ADGRL3: variants seen among roughly 807,000 people sequenced by gnomAD.
ADGRL3 encodes the protein adhesion G protein-coupled receptor L3, also known as calcium-independent alpha-latrotoxin receptor 3.
A neutral mutation model predicts 153.5 loss-of-function variants in ADGRL3; 62 were observed. That is an observed-to-expected ratio of 0.40 (90% CI 0.33 to 0.50). ADGRL3 has a LOEUF of 0.50. ADGRL3 is among the 20% of genes least tolerant of loss of function. The probability of loss-of-function intolerance (pLI) is 0.47; values close to 1 mark genes in which losing one functional copy is unlikely to be tolerated. For synonymous variants in ADGRL3, 710 were observed against 672.5 expected (o/e 1.06, Z -0.86); for missense variants, 1,641 against 1,859.4 (o/e 0.88, Z 2.16).
intron 6 of ADGRL3, among the ~76,000 whole-genome samples, chr4:61,723,116 C>T (rs2096268549): frequency 6.6e-6 from 1 of 152,140 alleles, no homozygotes; most frequent in Non-Finnish European, 1.5e-5. Flanking sequence ...GACAATTCCC[C>T]CTTTCTCTGT....
At chr4:61,581,900 A>G (rs2098927363) in intron 4 of ADGRL3, among the ~76,000 whole-genome samples, 1 of 152,088 alleles carries the variant, frequency 6.6e-6, no homozygotes, top group Non-Finnish European at 1.5e-5. Flanking sequence ...ATTTAAAACA[A>G]CCATCTTTTC....
At chr4:61,854,498 T>C (rs757614471) in intron 9 of ADGRL3, among the ~76,000 whole-genome samples, 5 of 152,206 alleles carry the variant, frequency 3.3e-5, no homozygotes, top group African/African-American at 4.8e-5. Flanking sequence ...AATAATGTAA[T>C]ATTGGATTAT....
In ADGRL3 at chr4:61,657,465, T is replaced by C. The variant is rs370996376; in HGVS notation, c.474-19361T>C. ...TTCAAAATATATTGTCAATCAATGG[T>C]AACTCAAATCAATATCTGAGAGTAT... is the stretch of plus-strand genomic sequence containing the variant. On this transcript the variant is annotated intron_variant, in intron 5 of 26. Transcript: ENST00000683033. 3.9e-5 allele frequency among the ~76,000 whole-genome samples: 6 copies of C among 152,164 alleles called. No individual in the cohort carries two copies. The East Asian group carries it at 5.8e-4, about 15-fold the overall frequency.
At chr4:61,681,085 C>T (rs144832408) in intron 6 of ADGRL3, among the ~76,000 whole-genome samples, 9 of 152,196 alleles carry the variant, frequency 5.9e-5, no homozygotes, top group Middle Eastern at 3.4e-3. Context: ...ACCAAAGCCA[C>T]GTTTTTGTTC....
chr4:61,910,639 G>A (rs1214048319), intron 12 of ADGRL3, among the ~76,000 whole-genome samples: 1 of 151,636 alleles, frequency 6.6e-6, no homozygotes, highest in Non-Finnish European at 1.5e-5. Flanking sequence ...CAATTTTAGG[G>A]CCTTGAATAT....
At chr4:61,469,449 G>A (rs2097919800) in intron 2 of ADGRL3, among the ~76,000 whole-genome samples, 1 of 152,018 alleles carries the variant, frequency 6.6e-6, no homozygotes, top group Non-Finnish European at 1.5e-5. Context: ...AAGCTCTCAT[G>A]ACCCATGTAG....
At chr4:61,937,306 A>G (rs1016990789) in intron 15 of ADGRL3, among the ~76,000 whole-genome samples, 2 of 151,084 alleles carry the variant, frequency 1.3e-5, no homozygotes, top group Non-Finnish European at 2.9e-5. Context: ...CACACCTCAC[A>G]TTTGTCTTCA....
At chr4:61,764,792 T>G (rs936634330) in intron 8 of ADGRL3, among the ~76,000 whole-genome samples, 38 of 151,872 alleles carry the variant, frequency 2.5e-4, no homozygotes, top group African/African-American at 8.5e-4. Context: ...GAGAGAATGG[T>G]CGATGTTTCT....
chr4:61,844,970 C>T (rs2098096995), intron 9 of ADGRL3, among the ~76,000 whole-genome samples: 1 of 151,972 alleles, frequency 6.6e-6, no homozygotes, highest in Non-Finnish European at 1.5e-5. Flanking sequence ...ATGGTATCTA[C>T]CCACTCAATA....
intron 2 of ADGRL3, among the ~76,000 whole-genome samples, chr4:61,460,496 A>T (rs569961249): frequency 6.6e-6 from 1 of 150,880 alleles, no homozygotes; most frequent in East Asian, 2.0e-4. Context: ...GGTTGATTTC[A>T]TGGAGGTAGA....
intron 9 of ADGRL3, among the ~76,000 whole-genome samples, chr4:61,831,411 T>TAAAAAAAAA (rs1166970099): frequency 2.7e-5 from 1 of 37,300 alleles, no homozygotes; most frequent in Non-Finnish European, 4.7e-5. Flanking sequence ...AGATGCTAAG[T>TAAAAAAAAA]AAAAAAAAAA....
intron 2 of ADGRL3, among the ~76,000 whole-genome samples, chr4:61,473,384 C>T (rs772480378): frequency 6.6e-6 from 1 of 151,670 alleles, no homozygotes; most frequent in Non-Finnish European, 1.5e-5. Flanking sequence ...AAACACACGG[C>T]GAGGGTGTGT....
intron 25 of ADGRL3, among the ~76,000 whole-genome samples, chr4:62,066,786 A>T (rs959127443): frequency 1.3e-5 from 2 of 152,120 alleles, no homozygotes; most frequent in Admixed American, 1.3e-4. Context: ...ATTTTCTGTG[A>T]TAGTTTTCAA....
chr4:61,614,806 C>G (rs1233509894), intron 5 of ADGRL3, among the ~76,000 whole-genome samples: 1 of 152,084 alleles, frequency 6.6e-6, no homozygotes, highest in Non-Finnish European at 1.5e-5. Flanking sequence ...GACATGACTA[C>G]CAGTCATTAT....
intron 1 of ADGRL3, among the ~76,000 whole-genome samples, chr4:61,365,378 G>A (rs1169232152): frequency 6.6e-6 from 1 of 152,176 alleles, no homozygotes; most frequent in Non-Finnish European, 1.5e-5. Context: ...AGTGCAAAAG[G>A]CATAGAACAC....
chr4:61,890,430 A>G (rs1034760822), intron 9 of ADGRL3, among the ~76,000 whole-genome samples: 5 of 151,982 alleles, frequency 3.3e-5, no homozygotes, highest in Admixed American at 1.3e-4. Context: ...CTAGAGGCTG[A>G]GAAGTTCAAG....
At chr4:61,237,175 A>G (rs1753167935) in intron 1 of ADGRL3, among the ~76,000 whole-genome samples, 1 of 152,196 alleles carries the variant, frequency 6.6e-6, no homozygotes, top group African/African-American at 2.4e-5. Context: ...TGAAAATGCT[A>G]GGAATCTTCA....
intron 9 of ADGRL3, among the ~76,000 whole-genome samples, chr4:61,851,891 G>A (rs17090553): frequency 0.019 from 2,925 of 152,228 alleles, 89 homozygotes; most frequent in African/African-American, 0.066. Context: ...TAATAGACTT[G>A]TTTTGCCACA....
intron 5 of ADGRL3, among the ~76,000 whole-genome samples, chr4:61,631,464 A>G (rs2093162346): frequency 6.6e-6 from 1 of 152,206 alleles, no homozygotes; most frequent in Admixed American, 6.5e-5. Context: ...CCTTTTCATC[A>G]TAAAGTACCT....
Sources: gnomAD v4.1 joint callset for allele counts (sites outside exome capture counted in the v4.1 genomes callset) on GRCh38, gnomAD v4.1.1 for gene constraint, MANE v1.5 for transcripts, NCBI Gene and HGNC (gene_info 2026-07-23, HGNC 2026-07-21) for gene names.